Variants in PROM1 observed in about 807,000 individuals in gnomAD.
The protein encoded by PROM1 is prominin-1.
PROM1 carries 105 observed loss-of-function variants against 116.9 expected under a neutral mutation model. The ratio of observed to expected loss-of-function variants is 0.90; its 90% CI spans 0.77 to 1.06. The LOEUF (loss-of-function observed/expected upper bound fraction) is 1.06, where lower values mean the gene tolerates loss of function less well. Among genes scored for constraint, PROM1 ranks in the 50% least tolerant of loss-of-function variants. The pLI is 0.00. For synonymous variants in PROM1, 393 were observed against 387.0 expected (o/e 1.02, Z -0.18); for missense variants, 1,122 against 1,045.2 (o/e 1.07, Z -1.01).
At chr4:16,043,943 C>T (rs1735919160) in intron 2 of PROM1, among the ~76,000 whole-genome samples, 1 of 152,178 alleles carries the variant, frequency 6.6e-6, no homozygotes. Context: ...GTCTGTCTCC[C>T]TCTCACACAC....
intron 2 of PROM1, among the ~76,000 whole-genome samples, chr4:16,054,193 T>C (rs1424069416): frequency 6.6e-6 from 1 of 152,200 alleles, no homozygotes; most frequent in African/African-American, 2.4e-5. Context: ...TTTAATGAAG[T>C]CACTCACTAA....
intron 1 of PROM1, chr4:16,078,345 A>G: frequency 6.6e-6 from 1 of 152,304 alleles, no homozygotes; most frequent in East Asian, 1.9e-4. Flanking sequence ...CAATGCATGT[A>G]ACCTGCCTGC....
intron 3 of PROM1, among the ~76,000 whole-genome samples, chr4:16,037,416 T>TA (rs1734183419): frequency 1.3e-5 from 2 of 152,194 alleles, no homozygotes; most frequent in Admixed American, 1.3e-4. Context: ...TTGCTGAATG[T>TA]AAACAGCCTC....
intron 5 of PROM1, among the ~76,000 whole-genome samples, chr4:16,026,591 G>A (rs1179383250): frequency 6.6e-6 from 1 of 152,102 alleles, no homozygotes; most frequent in Non-Finnish European, 1.5e-5. Flanking sequence ...TTACGGGTAG[G>A]ATGACTAAAC....
Position 15,979,384 on chromosome 4 carries a change from CTT to C in PROM1, c.2582+9_2582+10del, listed in dbSNP as rs1717147141. 7 of 1,613,760 alleles carry C rather than the reference CTT, an allele frequency of 4.3e-6. No individual in the cohort carries two copies. The African/African-American group carries it at 6.7e-5, about 15-fold the overall frequency. On this transcript the variant is annotated intron_variant, in intron 26 of 27. Transcript: ENST00000447510. ...CATAGGGCGGGCATGCACTTCCAGA[CTT>C]TGCTTTACCTTGTCATAACAGGATT...
intron 2 of PROM1, among the ~76,000 whole-genome samples, chr4:16,059,943 A>T (rs1489863703): frequency 6.6e-6 from 1 of 152,214 alleles, no homozygotes; most frequent in African/African-American, 2.4e-5. Flanking sequence ...AATATAAAAT[A>T]ATAATCAAGC....
intron 19 of PROM1, among the ~76,000 whole-genome samples, chr4:15,989,112 A>C (rs1720266820): frequency 6.6e-6 from 1 of 152,210 alleles, no homozygotes; most frequent in Non-Finnish European, 1.5e-5. Context: ...AGAGCAAGGC[A>C]GTTATTGATC....
intron 2 of PROM1, among the ~76,000 whole-genome samples, chr4:16,071,553 T>C (rs1044808160): frequency 5.9e-5 from 9 of 152,146 alleles, no homozygotes; most frequent in Non-Finnish European, 1.0e-4. Context: ...GGGTGAGACC[T>C]TCATGATGGA....
chr4:15,978,792 G>A (rs747432318), intron 26 of PROM1, among the ~76,000 whole-genome samples: 8 of 152,214 alleles, frequency 5.3e-5, no homozygotes, highest in African/African-American at 9.7e-5. Context: ...CCTGGCTGAC[G>A]TGTGGGTCTG....
chr4:15,972,812 G>T (rs1030519643), intron 26 of PROM1, among the ~76,000 whole-genome samples: 6 of 152,160 alleles, frequency 3.9e-5, no homozygotes, highest in Admixed American at 3.9e-4. Flanking sequence ...CTCCAGAGTA[G>T]ACATCACACA....
At chr4:15,998,612 G>C (rs186519704) in intron 14 of PROM1, 124 bp from the exon 15 acceptor site, 3 of 1,063,308 alleles carry the variant, frequency 2.8e-6, no homozygotes, top group Admixed American at 8.2e-5. Flanking sequence ...TTTTCTGGTT[G>C]ATTTCCAACT....
chr4:15,980,493 A>G lies in PROM1; in HGVS notation c.2418T>C (p.Leu806=). The G allele has an allele frequency of 1.9e-6, 3 of 1,555,864 alleles. No individual in the cohort carries two copies. The highest frequency in any genetic ancestry group is 2.4e-5 in the East Asian group (1 of 41,632). ...FGIGKATVFL[L]PALIFAVKLA... is the part of the protein sequence containing the mutation. Reference sequence around the variant, plus strand: ...GTTTTACCGCAAAAATTAGAGCCGGAAGTAAAAATACAGTAGCTTTTCCTA... The same window carrying G: ...GTTTTACCGCAAAAATTAGAGCCGGGAGTAAAAATACAGTAGCTTTTCCTA... Residue 806 remains leucine, a synonymous_variant, in exon 24 of 28, where the codon CTT becomes CTC. Coordinates refer to ENST00000447510, the MANE Select transcript of PROM1 (RefSeq NM_006017.3).
intron 13 of PROM1, among the ~76,000 whole-genome samples, chr4:16,002,352 C>A (rs960931265): frequency 2.0e-5 from 3 of 152,178 alleles, no homozygotes; most frequent in Non-Finnish European, 4.4e-5. Flanking sequence ...TTTTCTCTAG[C>A]AGTGCTTAGC....
chr4:16,071,734 C>T (rs1742867266), intron 2 of PROM1, among the ~76,000 whole-genome samples: 1 of 152,146 alleles, frequency 6.6e-6, no homozygotes, highest in African/African-American at 2.4e-5. Flanking sequence ...CTTAGACATC[C>T]CAGCCTCCAG....
intron 15 of PROM1, among the ~76,000 whole-genome samples, chr4:15,995,265 G>A (rs1364446127): frequency 6.6e-6 from 1 of 151,918 alleles, no homozygotes; most frequent in African/African-American, 2.4e-5. Context: ...TGGAGGTTTG[G>A]AGGATGGAAT....
intron 26 of PROM1, among the ~76,000 whole-genome samples, 186 bp downstream of exon 26, chr4:15,979,209 C>T (rs944187859): frequency 6.6e-6 from 1 of 152,102 alleles, no homozygotes; most frequent in South Asian, 2.1e-4. Flanking sequence ...GTTTAGAAAT[C>T]GACTGAACAT....
intron 13 of PROM1, among the ~76,000 whole-genome samples, chr4:16,002,750 C>G (rs1398632824): frequency 6.6e-6 from 1 of 152,132 alleles, no homozygotes; most frequent in Non-Finnish European, 1.5e-5. Context: ...TAAACCAAGA[C>G]AGCTGTCTAA....
intron 18 of PROM1, among the ~76,000 whole-genome samples, 198 bp from the exon 19 acceptor site, chr4:15,990,022 G>T (rs1344098480): frequency 6.6e-6 from 1 of 152,098 alleles, no homozygotes; most frequent in Non-Finnish European, 1.5e-5. Flanking sequence ...TGGACTCTCA[G>T]CAATAACCCA....
At chr4:15,984,844 A>ATAAAGTGCAC (rs1487329605) in intron 22 of PROM1, among the ~76,000 whole-genome samples, 11 of 152,256 alleles carry the variant, frequency 7.2e-5, no homozygotes, top group Non-Finnish European at 2.9e-5. Context: ...AATAATAGAA[A>ATAAAGTGCAC]TAAAGTGCAC....
Sources: gnomAD v4.1 joint callset for allele counts (sites outside exome capture counted in the v4.1 genomes callset) on GRCh38, gnomAD v4.1.1 for gene constraint, MANE v1.5 for transcripts, NCBI Gene and HGNC (gene_info 2026-07-23, HGNC 2026-07-21) for gene names.